The following ZSCAN5C variants were observed in gnomAD, a reference collection of about 807,000 sequenced individuals.
ZSCAN5C encodes zinc finger and SCAN domain-containing protein 5C.
ZSCAN5C carries 11 observed loss-of-function variants against 17.3 expected under a neutral mutation model. That is an observed-to-expected ratio of 0.64 (90% CI 0.40 to 1.06). ZSCAN5C has a LOEUF of 1.06. Ranked by LOEUF, ZSCAN5C falls within the 50% of genes least tolerant of loss-of-function variation. The pLI is 0.00. For synonymous variants in ZSCAN5C, 229 were observed against 208.4 expected (o/e 1.10, Z -0.85); for missense variants, 698 against 538.9 (o/e 1.30, Z -2.92).
exon 5 of ZSCAN5C, chr19:56,209,129 C>T (rs1017940254): frequency 6.5e-7 from 1 of 1,535,862 alleles, no homozygotes; most frequent in South Asian, 1.1e-5. Context: ...TTCCAAGTGT[C>T]CAAGAGCCTT....
chr19:56,202,400 G>C (rs202064678), intron 1 of ZSCAN5C, 78 bp downstream of exon 1: 1 of 151,906 alleles, frequency 6.6e-6, no homozygotes, highest in Non-Finnish European at 1.5e-5. Flanking sequence ...TTGGATTGAG[G>C]GGTTGGTTTC....
exon 2 of ZSCAN5C, chr19:56,206,025 A>T (rs556401107): frequency 1.4e-5 from 22 of 1,611,512 alleles, no homozygotes; most frequent in South Asian, 5.5e-5. Flanking sequence ...AAATCATGAC[A>T]GTGATCCTGA....
chr19:56,203,640 A>ATT (rs564406569), intron 1 of ZSCAN5C, among the ~76,000 whole-genome samples: 2,685 of 86,750 alleles, frequency 0.031, 47 homozygotes, highest in African/African-American at 0.068. Context: ...TCTACTGGGA[A>ATT]TTTTTTTTTT....
chr19:56,209,004 G>T (rs1299524903), exon 5 of ZSCAN5C: 1 of 1,613,182 alleles, frequency 6.2e-7, no homozygotes, highest in Non-Finnish European at 8.5e-7. Flanking sequence ...TGTCACAAGA[G>T]AAGCCACACA....
chr19:56,208,114 G>C (rs1380401649), exon 4 of ZSCAN5C: 1 of 777,346 alleles, frequency 1.3e-6, no homozygotes, highest in African/African-American at 1.7e-5. Flanking sequence ...CCTTGGAGAA[G>C]GACCTGGAGG....
intron 1 of ZSCAN5C, among the ~76,000 whole-genome samples, chr19:56,204,606 G>A (rs910868974): frequency 4.0e-5 from 6 of 151,726 alleles, no homozygotes; most frequent in Admixed American, 1.3e-4. Flanking sequence ...CAGGAGCCCC[G>A]TGAGATGTGT....
At chr19:56,207,145 T>G (rs1287870066) in exon 3 of ZSCAN5C, 2 of 777,862 alleles carry the variant, frequency 2.6e-6, no homozygotes, top group East Asian at 4.9e-5. Context: ...TCAGAGATGA[T>G]CCGAGACACG....
chr19:56,206,385 C>T (rs1368691080), intron 2 of ZSCAN5C, 88 bp downstream of exon 2: 45 of 1,435,826 alleles, frequency 3.1e-5, no homozygotes, highest in Non-Finnish European at 4.1e-5. Context: ...ACCCGAGGGG[C>T]TGCTCTAGGT....
chr19:56,207,513 A>C (rs2032937186), intron 3 of ZSCAN5C, among the ~76,000 whole-genome samples: 1 of 151,556 alleles, frequency 6.6e-6, no homozygotes, highest in Non-Finnish European at 1.5e-5. Context: ...GAAATAACGG[A>C]GGCAGTTGGC....
exon 2 of ZSCAN5C, chr19:56,205,977 C>T (rs1211073457): frequency 1.3e-5 from 20 of 1,549,484 alleles, no homozygotes; most frequent in Non-Finnish European, 1.8e-5. Context: ...TGGGTCAGAG[C>T]CACCACAGTC....
chr19:56,209,065 G>A, exon 5 of ZSCAN5C: 1 of 1,604,910 alleles, frequency 6.2e-7, no homozygotes, highest in Non-Finnish European at 8.5e-7. Flanking sequence ...TCACCTACAA[G>A]GCAAATCTGA....
chr19:56,203,860 G>C (rs536234290), intron 1 of ZSCAN5C, among the ~76,000 whole-genome samples: 4 of 151,616 alleles, frequency 2.6e-5, no homozygotes, highest in Non-Finnish European at 5.9e-5. Context: ...TGTTGGTCAG[G>C]CTGGTCTTGA....
chr19:56,203,407 C>T (rs576200843), intron 1 of ZSCAN5C, among the ~76,000 whole-genome samples: 27 of 151,964 alleles, frequency 1.8e-4, no homozygotes, highest in African/African-American at 4.8e-4. Context: ...TATTCACATG[C>T]CTTACTTTAT....
chr19:56,207,041 CT>C lies in ZSCAN5C; in HGVS notation c.385-11del, dbSNP rs756095007. The C allele has an allele frequency of 1.0e-5, 7 of 703,250 alleles. No individual in the cohort carries two copies. The highest frequency in any genetic ancestry group is 1.6e-5 in the Non-Finnish European group (6 of 384,218). The allele number at this position is 703,250 out of a possible 1,614,324, so 43.6% of individuals were successfully genotyped here. ...CAGGTTCTCATAGTTAGTCTGATTG[CT>C]TTTTTTCTCTCTATAGTCTGTAGTC... On this transcript the variant is annotated splice_polypyrimidine_tract_variant and intron_variant, in intron 2 of 4. Coordinates refer to ENST00000534327, the Ensembl canonical transcript of ZSCAN5C.
rs889393938 is a variant in ZSCAN5C, at chr19:56,206,701, G to A, written c.385-358G>A. ...GGAATGTAGGGAAGGAGGCATTAGA[G>A]TGAACTGAAGGGGGGCCCAGAAATA... On this transcript the variant is annotated intron_variant, in intron 2 of 4. Coordinates refer to ENST00000534327, the Ensembl canonical transcript of ZSCAN5C. 6.6e-5 allele frequency among the ~76,000 whole-genome samples: 10 copies of A among 151,856 alleles called. No individual in the cohort carries two copies. The East Asian group carries it at 1.9e-3, about 29-fold the overall frequency.
intron 1 of ZSCAN5C, among the ~76,000 whole-genome samples, chr19:56,205,357 G>A (rs1336932515): frequency 6.6e-6 from 1 of 151,884 alleles, no homozygotes; most frequent in Non-Finnish European, 1.5e-5. Flanking sequence ...TTTGTTGTGG[G>A]ACAATATCTT....
exon 2 of ZSCAN5C, chr19:56,206,243 G>C (rs550380038): frequency 6.4e-7 from 1 of 1,554,556 alleles, no homozygotes; most frequent in Non-Finnish European, 8.7e-7. Flanking sequence ...ACGGTGTGCA[G>C]AGCTGCAAAG....
intron 1 of ZSCAN5C, among the ~76,000 whole-genome samples, chr19:56,205,226 T>C (rs1373529042): frequency 2.0e-5 from 3 of 151,936 alleles, no homozygotes; most frequent in Non-Finnish European, 4.4e-5. Context: ...AGGGTAAAAA[T>C]GATGAAATTA....
At chr19:56,208,791 G>A in exon 5 of ZSCAN5C, 1 of 1,583,306 alleles carries the variant, frequency 6.3e-7, no homozygotes, top group Non-Finnish European at 8.7e-7. Flanking sequence ...TGTGAGGTGT[G>A]CGGCAAGAGG....
Sources: gnomAD v4.1 joint callset for allele counts (sites outside exome capture counted in the v4.1 genomes callset) on GRCh38, gnomAD v4.1.1 for gene constraint, MANE v1.5 for transcripts, NCBI Gene and HGNC (gene_info 2026-07-23, HGNC 2026-07-21) for gene names.